MAML3: variants seen among roughly 807,000 people sequenced by gnomAD.
The protein encoded by MAML3 is mastermind like transcriptional coactivator 3.
MAML3 carries 27 observed loss-of-function variants against 101.9 expected under a neutral mutation model. The ratio of observed to expected loss-of-function variants is 0.27; its 90% CI spans 0.20 to 0.37. The LOEUF (loss-of-function observed/expected upper bound fraction) is 0.37, where lower values mean the gene tolerates loss of function less well. Ranked by LOEUF, MAML3 falls within the 10% of genes least tolerant of loss-of-function variation. The probability of loss-of-function intolerance (pLI) is 1.00; values close to 1 mark genes in which losing one functional copy is unlikely to be tolerated. For synonymous variants in MAML3, 501 were observed against 555.9 expected (o/e 0.90, Z 1.39); for missense variants, 1,316 against 1,444.9 (o/e 0.91, Z 1.45).
At chr4:139,989,058 C>A (rs897227554) in intron 1 of MAML3, among the ~76,000 whole-genome samples, 1 of 152,104 alleles carries the variant, frequency 6.6e-6, no homozygotes, top group African/African-American at 2.4e-5. Flanking sequence ...AATTGCAAGT[C>A]GCCTCAGTTG....
chr4:140,106,593 G>C (rs1728356391), intron 1 of MAML3, among the ~76,000 whole-genome samples: 1 of 152,092 alleles, frequency 6.6e-6, no homozygotes, highest in African/African-American at 2.4e-5. Flanking sequence ...TAAAGTACTA[G>C]GATTTAAAAT....
intron 2 of MAML3, among the ~76,000 whole-genome samples, chr4:139,807,462 C>G (rs114058553): frequency 1.3e-5 from 2 of 152,224 alleles, no homozygotes; most frequent in African/African-American, 4.8e-5. Flanking sequence ...CTACACATGC[C>G]GGCCTGTTAA....
intron 2 of MAML3, among the ~76,000 whole-genome samples, chr4:139,886,282 TAAAA>T (rs960795759): frequency 3.3e-5 from 5 of 152,024 alleles, no homozygotes; most frequent in Non-Finnish European, 7.4e-5. Flanking sequence ...AGAATTTTTT[TAAAA>T]AAAGAATTAA....
At chr4:139,749,893 C>CCG (rs1553953903) in intron 2 of MAML3, among the ~76,000 whole-genome samples, 3,615 of 141,248 alleles carry the variant, frequency 0.026, 169 homozygotes, top group African/African-American at 0.088. Flanking sequence ...GAACCCCCCC[C>CCG]CACCCTATTC....
chr4:140,121,331 G>A (rs1469283214), intron 1 of MAML3, among the ~76,000 whole-genome samples: 3 of 152,210 alleles, frequency 2.0e-5, no homozygotes, highest in African/African-American at 7.2e-5. Flanking sequence ...ACTCTTGGAA[G>A]CCTTAGAAGA....
chr4:140,087,651 GC>G (rs1727975084), intron 1 of MAML3, among the ~76,000 whole-genome samples: 1 of 152,052 alleles, frequency 6.6e-6, no homozygotes, highest in Non-Finnish European at 1.5e-5. Flanking sequence ...AGTGTCTTAG[GC>G]ATATAACTTC....
At chr4:139,884,424 G>C (rs1264432364) in intron 2 of MAML3, among the ~76,000 whole-genome samples, 5 of 152,200 alleles carry the variant, frequency 3.3e-5, no homozygotes, top group Non-Finnish European at 4.4e-5. Flanking sequence ...AAAGAATAAA[G>C]TAGCAGAGTC....
At chr4:139,783,061 T>C (rs997730245) in intron 2 of MAML3, among the ~76,000 whole-genome samples, 1 of 152,124 alleles carries the variant, frequency 6.6e-6, no homozygotes, top group African/African-American at 2.4e-5. Context: ...GTCATTTAGC[T>C]GCAGCTCCAG....
intron 1 of MAML3, among the ~76,000 whole-genome samples, chr4:140,075,988 C>T (rs946369014): frequency 1.3e-5 from 2 of 152,204 alleles, no homozygotes; most frequent in Admixed American, 6.5e-5. Context: ...TCTCGAACTC[C>T]TGGTCTCAAG....
At chr4:139,977,439 A>G (rs1268731029) in intron 1 of MAML3, among the ~76,000 whole-genome samples, 1 of 152,206 alleles carries the variant, frequency 6.6e-6, no homozygotes, top group East Asian at 1.9e-4. Context: ...TGTGTCCTTC[A>G]CATAAGACTA....
chr4:139,892,139 C>A (rs764053360), intron 1 of MAML3, among the ~76,000 whole-genome samples: 1 of 152,186 alleles, frequency 6.6e-6, no homozygotes, highest in Non-Finnish European at 1.5e-5. Flanking sequence ...GGGTCGTCAG[C>A]CTAGAGAAGA....
chr4:139,929,120 C>A (rs1383884952), intron 1 of MAML3, among the ~76,000 whole-genome samples: 2 of 152,062 alleles, frequency 1.3e-5, no homozygotes, highest in East Asian at 3.9e-4. Flanking sequence ...TGTTCAATAG[C>A]CCCCCAAATG....
intron 1 of MAML3, among the ~76,000 whole-genome samples, chr4:139,942,181 G>GGCAA (rs1043590422): frequency 4.0e-5 from 6 of 151,106 alleles, no homozygotes; most frequent in African/African-American, 1.5e-4. Flanking sequence ...AAGGCAGGCA[G>GGCAA]GCAGGCAGGC....
intron 1 of MAML3, among the ~76,000 whole-genome samples, chr4:140,112,121 GTCA>G (rs1728448097): frequency 6.6e-6 from 1 of 151,956 alleles, no homozygotes; most frequent in African/African-American, 2.4e-5. Context: ...ATTTGTTTAT[GTCA>G]TCAATTTCTA....
At chr4:139,760,087 G>T (rs1299503905) in intron 2 of MAML3, among the ~76,000 whole-genome samples, 2 of 152,240 alleles carry the variant, frequency 1.3e-5, no homozygotes, top group Non-Finnish European at 2.9e-5. Flanking sequence ...TCAAGAGTAG[G>T]TTCCTTGGAA....
At chr4:140,112,816 C>T (rs1398545193) in intron 1 of MAML3, among the ~76,000 whole-genome samples, 1 of 152,138 alleles carries the variant, frequency 6.6e-6, no homozygotes, top group African/African-American at 2.4e-5. Flanking sequence ...TTCCATTTTA[C>T]ATATATAATT....
At chr4:140,140,105 C>T (rs111868684) in intron 1 of MAML3, among the ~76,000 whole-genome samples, 5,535 of 152,084 alleles carry the variant, frequency 0.036, 313 homozygotes, top group African/African-American at 0.13. Context: ...GGGTGGATCA[C>T]GAGGTCAGGA....
At chr4:140,133,885 T>C (rs1169037942) in intron 1 of MAML3, among the ~76,000 whole-genome samples, 2 of 152,200 alleles carry the variant, frequency 1.3e-5, no homozygotes, top group South Asian at 4.1e-4. Flanking sequence ...ATACAGATAT[T>C]TACAGATTTA....
intron 1 of MAML3, among the ~76,000 whole-genome samples, chr4:139,974,476 A>C (rs1440024199): frequency 6.6e-6 from 1 of 152,186 alleles, no homozygotes; most frequent in Non-Finnish European, 1.5e-5. Context: ...ATTTTGGAGA[A>C]GTATAAGGCA....
Sources: gnomAD v4.1 joint callset for allele counts (sites outside exome capture counted in the v4.1 genomes callset) on GRCh38, gnomAD v4.1.1 for gene constraint, MANE v1.5 for transcripts, NCBI Gene and HGNC (gene_info 2026-07-23, HGNC 2026-07-21) for gene names.